Variants in SGCD observed in about 807,000 individuals in gnomAD.
SGCD encodes the protein delta-sarcoglycan.
In SGCD, 18 loss-of-function variants were observed where a neutral mutation model predicts 36.6. The ratio of observed to expected loss-of-function variants is 0.49; its 90% CI spans 0.34 to 0.73. The LOEUF (loss-of-function observed/expected upper bound fraction) is 0.73. Among genes scored for constraint, SGCD ranks in the 30% least tolerant of loss-of-function variants. The pLI is 0.01. For synonymous variants in SGCD, 133 were observed against 130.6 expected, an observed-to-expected ratio of 1.02 and a Z score of -0.12; for missense variants, 387 against 346.7, an observed-to-expected ratio of 1.12 and a Z score of -0.92.
At chr5:156,062,083 T>A (rs1180163001) in intron 1 of SGCD, among the ~76,000 whole-genome samples, 2 of 66,496 alleles carry the variant, frequency 3.0e-5, no homozygotes, top group African/African-American at 1.8e-4. Context: ...CCCTCCCCCC[T>A]CCCCCGACCC....
intron 3 of SGCD, among the ~76,000 whole-genome samples, chr5:156,179,601 A>G (rs1763555196): frequency 6.6e-6 from 1 of 151,404 alleles, no homozygotes. Context: ...ACCCCAATGA[A>G]TATGTTATAA....
chr5:156,508,060 A>C (rs1669276385), intron 3 of SGCD, among the ~76,000 whole-genome samples: 1 of 152,206 alleles, frequency 6.6e-6, no homozygotes. Context: ...TGATAGGTAC[A>C]TATGTGTTTG....
At position 156,094,084 on chromosome 5, in the gene SGCD, G is replaced by A. The variant is rs981622761; in HGVS notation, c.-281-23794G>A. 3.3e-5 allele frequency among the ~76,000 whole-genome samples: 5 copies of A among 152,184 alleles called. No homozygotes were observed. The East Asian group carries it at 9.7e-4, about 29-fold the overall frequency. ...CCAGTTCCCTCATCATACTCTGGAA[G>A]GGCAGCAGCCCCTCCTTCTAGGTCT... On this transcript the variant is annotated intron_variant, in intron 1 of 9. Transcript: ENST00000517913.
chr5:156,315,841 G>C (rs1177863023), intron 3 of SGCD, among the ~76,000 whole-genome samples: 5 of 151,862 alleles, frequency 3.3e-5, no homozygotes, highest in Non-Finnish European at 7.4e-5. Context: ...GTCCCTGTTA[G>C]CCATTTGTAT....
chr5:155,857,293 A>G, the SGCD span, among the ~76,000 whole-genome samples: 1 of 152,218 alleles, frequency 6.6e-6, no homozygotes, highest in Non-Finnish European at 1.5e-5. Flanking sequence ...TCAGTCATTC[A>G]ACTCCTGTTT....
intron 4 of SGCD, among the ~76,000 whole-genome samples, chr5:156,527,975 C>T (rs994443682): frequency 2.0e-5 from 3 of 152,190 alleles, no homozygotes; most frequent in African/African-American, 7.2e-5. Flanking sequence ...ATATCTCTGA[C>T]CCAGTAGATT....
chr5:156,439,560 G>A (rs1367863500), intron 3 of SGCD, among the ~76,000 whole-genome samples: 2 of 151,928 alleles, frequency 1.3e-5, no homozygotes, highest in Non-Finnish European at 2.9e-5. Flanking sequence ...ACATTCCATG[G>A]TGAAATGTTA....
the SGCD span, among the ~76,000 whole-genome samples, chr5:155,802,280 A>G: frequency 3.3e-5 from 5 of 152,358 alleles, no homozygotes; most frequent in South Asian, 1.0e-3. Context: ...ATCCCAGATT[A>G]GAGAGAGCAA....
At chr5:156,161,077 A>C (rs572316537) in intron 3 of SGCD, among the ~76,000 whole-genome samples, 2 of 151,876 alleles carry the variant, frequency 1.3e-5, no homozygotes, top group African/African-American at 4.9e-5. Context: ...TATTGGCATA[A>C]TACATTTCTT....
intron 1 of SGCD, among the ~76,000 whole-genome samples, chr5:155,931,666 T>G (rs1381012778): frequency 6.6e-6 from 1 of 152,218 alleles, no homozygotes; most frequent in Non-Finnish European, 1.5e-5. Flanking sequence ...TGGAACTGAA[T>G]AAATTCCAGG....
At chr5:156,137,186 G>A (rs926111254) in intron 3 of SGCD, among the ~76,000 whole-genome samples, 5 of 152,184 alleles carry the variant, frequency 3.3e-5, no homozygotes, top group African/African-American at 1.2e-4. Flanking sequence ...TGGGATGGGT[G>A]ACCAAATAAG....
At chr5:155,796,720 C>T in the SGCD span, among the ~76,000 whole-genome samples, 2 of 144,990 alleles carry the variant, frequency 1.4e-5, no homozygotes, top group African/African-American at 2.6e-5. Context: ...GCAGGGGAAT[C>T]GCTTGAACCC....
chr5:155,801,314 T>G, the SGCD span, among the ~76,000 whole-genome samples: 1 of 152,198 alleles, frequency 6.6e-6, no homozygotes, highest in Non-Finnish European at 1.5e-5. Context: ...GGTCTTCCAC[T>G]CTCCAAGCCC....
intron 6 of SGCD, among the ~76,000 whole-genome samples, chr5:156,627,056 C>A (rs776014840): frequency 5.3e-5 from 8 of 152,124 alleles, no homozygotes; most frequent in Non-Finnish European, 1.2e-4. Context: ...TGCTTTGGAC[C>A]AATCCTGAAA....
chr5:156,115,779 A>G (rs1185134408), intron 1 of SGCD, among the ~76,000 whole-genome samples: 1 of 152,076 alleles, frequency 6.6e-6, no homozygotes, highest in Non-Finnish European at 1.5e-5. Context: ...TATTTGTCCT[A>G]CAGACAGTCT....
At chr5:156,514,940 C>T (rs1561747896) in intron 4 of SGCD, among the ~76,000 whole-genome samples, 1 of 152,178 alleles carries the variant, frequency 6.6e-6, no homozygotes, top group Non-Finnish European at 1.5e-5. Context: ...CTACCTTCAT[C>T]TCCTTCTGAC....
chr5:155,882,238 A>AGT (rs1314630700), intron 1 of SGCD, among the ~76,000 whole-genome samples: 1 of 151,490 alleles, frequency 6.6e-6, no homozygotes, highest in East Asian at 1.9e-4. Flanking sequence ...TCTACACCTG[A>AGT]CTTTTTTTTA....
chr5:155,869,990 C>T (rs1312735976), upstream of SGCD, among the ~76,000 whole-genome samples: 1 of 131,364 alleles, frequency 7.6e-6, no homozygotes, highest in Admixed American at 8.2e-5. Flanking sequence ...CAGAGCGAGA[C>T]TCCGTCTCAA....
rs80004325 is a variant in SGCD, at chr5:156,444,117, C to T, written c.193-64484C>T. Among the ~76,000 whole-genome samples, 393 of 41,354 alleles carry T rather than the reference C, an allele frequency of 9.5e-3. 20 individuals are homozygous for T. The highest frequency in any genetic ancestry group is 0.055 in the African/African-American group (345 of 6,324). 27.1% of individuals were successfully genotyped at this position (41,354 alleles called of 152,430 possible). On this transcript the variant is annotated intron_variant, in intron 3 of 8. Transcript: ENST00000337851. The stretch of plus-strand genomic sequence containing the variant: ...CTCTCTCTCTCTCTCTCTCTCTCTC[C>T]CCTTCCCTCTCTCTCTCTCTCCTTC...
Sources: gnomAD v4.1 joint callset for allele counts (sites outside exome capture counted in the v4.1 genomes callset) on GRCh38, gnomAD v4.1.1 for gene constraint, MANE v1.5 for transcripts, NCBI Gene and HGNC (gene_info 2026-07-23, HGNC 2026-07-21) for gene names.